FGGY: variants seen among roughly 807,000 people sequenced by gnomAD.
FGGY encodes the protein FGGY carbohydrate kinase domain containing.
FGGY carries 72 observed loss-of-function variants against 71.3 expected under a neutral mutation model. That is an observed-to-expected ratio of 1.01 (90% CI 0.84 to 1.23). The LOEUF (loss-of-function observed/expected upper bound fraction) is 1.23. Among genes scored for constraint, FGGY ranks in the 50% most tolerant of loss-of-function variants. FGGY has a pLI of 0.00. For synonymous variants in FGGY, 251 were observed against 250.3 expected, an observed-to-expected ratio of 1.00 and a Z score of -0.02; for missense variants, 668 against 682.3, an observed-to-expected ratio of 0.98 and a Z score of 0.23.
chr1:59,550,434 C>T (rs922549444), intron 7 of FGGY, among the ~76,000 whole-genome samples: 38 of 152,140 alleles, frequency 2.5e-4, no homozygotes, highest in African/African-American at 8.5e-4. Flanking sequence ...TTGCAGTGAA[C>T]ATCAGCTATG....
intron 1 of FGGY, among the ~76,000 whole-genome samples, chr1:59,313,026 C>T (rs1354636333): frequency 6.6e-6 from 1 of 152,122 alleles, no homozygotes; most frequent in Non-Finnish European, 1.5e-5. Flanking sequence ...CATAAGGATC[C>T]CCAAAACCCT....
intron 8 of FGGY, among the ~76,000 whole-genome samples, chr1:59,589,717 T>G (rs765652331): frequency 2.0e-5 from 3 of 152,030 alleles, no homozygotes; most frequent in Non-Finnish European, 4.4e-5. Flanking sequence ...AAGGCAGTAA[T>G]AAAGGTGTTC....
At chr1:59,629,535 G>A (rs1000221684) in intron 10 of FGGY, among the ~76,000 whole-genome samples, 39 of 152,262 alleles carry the variant, frequency 2.6e-4, no homozygotes, top group African/African-American at 9.1e-4. Flanking sequence ...GCATATTAGT[G>A]GCATAGAGAC....
intron 5 of FGGY, among the ~76,000 whole-genome samples, chr1:59,424,315 G>A (rs946832790): frequency 1.3e-5 from 2 of 152,220 alleles, no homozygotes; most frequent in African/African-American, 2.4e-5. Context: ...CTGGGAGGCC[G>A]AGGCAGGCGA....
At chr1:59,466,496 T>C (rs1572512445) in intron 6 of FGGY, among the ~76,000 whole-genome samples, 1 of 152,130 alleles carries the variant, frequency 6.6e-6, no homozygotes, top group Non-Finnish European at 1.5e-5. Flanking sequence ...AAAGCCAAAA[T>C]TGACAAATGG....
intron 4 of FGGY, among the ~76,000 whole-genome samples, chr1:59,374,704 C>G (rs1304986478): frequency 6.6e-6 from 1 of 152,018 alleles, no homozygotes; most frequent in Non-Finnish European, 1.5e-5. Flanking sequence ...CACATATACA[C>G]CATGGAATAC....
chr1:59,411,109 G>A (rs2063539324), intron 5 of FGGY, among the ~76,000 whole-genome samples: 1 of 152,168 alleles, frequency 6.6e-6, no homozygotes. Flanking sequence ...CCAGAATCTA[G>A]GATCACACAA....
chr1:59,587,152 T>C (rs1370535605), intron 8 of FGGY, among the ~76,000 whole-genome samples: 2 of 152,228 alleles, frequency 1.3e-5, no homozygotes, highest in Non-Finnish European at 2.9e-5. Flanking sequence ...ATCCCGCACC[T>C]GGCTTGGAGG....
chr1:59,643,045 A>G (rs983342872), intron 11 of FGGY, among the ~76,000 whole-genome samples: 9 of 151,892 alleles, frequency 5.9e-5, no homozygotes, highest in Non-Finnish European at 8.8e-5. Flanking sequence ...AAAAAAAAAA[A>G]AAAAAAGAAA....
At chr1:59,381,628 CGTGTGTGTGTGTGTGTGTGT>C (rs113981398) in intron 5 of FGGY, among the ~76,000 whole-genome samples, 5 of 143,306 alleles carry the variant, frequency 3.5e-5, no homozygotes, top group Admixed American at 1.4e-4. Flanking sequence ...ATGTATAACT[CGTGTGTGTGTGTGTGTGTGT>C]GTGTGTGTGT....
intron 14 of FGGY, among the ~76,000 whole-genome samples, chr1:59,680,352 G>C (rs2097483994): frequency 1.3e-5 from 2 of 151,536 alleles, no homozygotes; most frequent in Non-Finnish European, 2.9e-5. Flanking sequence ...CTTTGGAATG[G>C]TATAATAATT....
chr1:59,417,556 T>A (rs1019555405), intron 5 of FGGY, among the ~76,000 whole-genome samples: 3 of 152,246 alleles, frequency 2.0e-5, no homozygotes, highest in Admixed American at 1.3e-4. Context: ...ATTTTGTACA[T>A]CCTGGTAGGA....
At chr1:59,381,332 A>G (rs1290738437) in intron 5 of FGGY, among the ~76,000 whole-genome samples, 3 of 152,178 alleles carry the variant, frequency 2.0e-5, no homozygotes, top group Non-Finnish European at 4.4e-5. Flanking sequence ...CTGTGAAGAA[A>G]GTCATTGGTA....
chr1:59,589,187 CAAAG>C (rs900992174), intron 8 of FGGY, among the ~76,000 whole-genome samples: 50 of 152,078 alleles, frequency 3.3e-4, no homozygotes, highest in African/African-American at 1.1e-3. Context: ...TCAAAAGAGA[CAAAG>C]AAGGCCATTA....
chr1:59,507,436 A>G (rs1265031165), intron 6 of FGGY, among the ~76,000 whole-genome samples: 2 of 152,080 alleles, frequency 1.3e-5, no homozygotes, highest in African/African-American at 4.8e-5. Flanking sequence ...TGCAGCCTCT[A>G]TTTTTCACTT....
At chr1:59,298,118 CT>C (rs912988053) in intron 1 of FGGY, among the ~76,000 whole-genome samples, 1 of 152,064 alleles carries the variant, frequency 6.6e-6, no homozygotes, top group Non-Finnish European at 1.5e-5. Flanking sequence ...TGCTTTTCCT[CT>C]TTTTTTTCTA....
chr1:59,378,697 G>T (rs1205917248), intron 4 of FGGY, 52 bp from the exon 5 acceptor site: 6 of 1,503,576 alleles, frequency 4.0e-6, no homozygotes. Context: ...ATTGAAAGAG[G>T]AGATGGTAGA....
At chr1:59,605,016 TGG>T (rs2096610648) in intron 8 of FGGY, among the ~76,000 whole-genome samples, 1 of 152,232 alleles carries the variant, frequency 6.6e-6, no homozygotes, top group Admixed American at 6.5e-5. Flanking sequence ...TCCTTGTGGC[TGG>T]AACATTCACC....
chr1:59,730,883 C>T (rs937490914), intron 14 of FGGY, among the ~76,000 whole-genome samples: 7 of 152,198 alleles, frequency 4.6e-5, no homozygotes, highest in African/African-American at 1.7e-4. Flanking sequence ...CCATGTCGGA[C>T]AACATGCAAA....
Sources: gnomAD v4.1 joint callset for allele counts (sites outside exome capture counted in the v4.1 genomes callset) on GRCh38, gnomAD v4.1.1 for gene constraint, MANE v1.5 for transcripts, NCBI Gene and HGNC (gene_info 2026-07-23, HGNC 2026-07-21) for gene names.